LRGUK: variants seen among roughly 807,000 people sequenced by gnomAD.
LRGUK encodes leucine rich repeats and guanylate kinase domain containing, also known as leucine-rich repeat and guanylate kinase domain-containing protein.
Under a neutral mutation model 76.0 loss-of-function variants are expected in LRGUK, and 65 were observed. The ratio of observed to expected loss-of-function variants is 0.85; its 90% CI spans 0.70 to 1.05. The LOEUF is 1.05. Ranked by LOEUF, LRGUK falls within the 50% of genes least tolerant of loss-of-function variation. The probability of loss-of-function intolerance (pLI) is 0.00; values close to 1 mark genes in which losing one functional copy is unlikely to be tolerated. For missense variants in LRGUK, 758 were observed against 732.8 expected, an observed-to-expected ratio of 1.03 and a Z score of -0.40; for synonymous variants, 268 against 265.6, an observed-to-expected ratio of 1.01 and a Z score of -0.09.
intron 13 of LRGUK, among the ~76,000 whole-genome samples, chr7:134,198,216 G>A (rs922458234): frequency 1.3e-5 from 2 of 152,094 alleles, no homozygotes; most frequent in African/African-American, 4.8e-5. Flanking sequence ...ATAATAACTA[G>A]CAAAAATAAA....
At chr7:134,225,098 A>T (rs1160011018) in intron 16 of LRGUK, among the ~76,000 whole-genome samples, 1 of 144,050 alleles carries the variant, frequency 6.9e-6, no homozygotes, top group Non-Finnish European at 1.5e-5. Context: ...TAAGGTACTA[A>T]GGGCTGGGGA....
At chr7:134,226,218 A>ATGTG (rs57035440) in intron 16 of LRGUK, among the ~76,000 whole-genome samples, 32,831 of 141,216 alleles carry the variant, frequency 0.23, 3,922 homozygotes, top group Middle Eastern at 0.27. Flanking sequence ...CCCATCTCCA[A>ATGTG]TGTGTGTGTG....
At chr7:134,248,970 C>T in exon 18 of LRGUK, 1 of 1,535,596 alleles carries the variant, frequency 6.5e-7, no homozygotes, top group Non-Finnish European at 8.8e-7. Context: ...ACCAGCACCT[C>T]TCACCAGTGG....
At chr7:134,188,974 A>G (rs1007223540) in intron 11 of LRGUK, among the ~76,000 whole-genome samples, 17 of 151,934 alleles carry the variant, frequency 1.1e-4, no homozygotes, top group African/African-American at 3.9e-4. Context: ...TTCCTGTTAC[A>G]TTTCCCTGGA....
At chr7:134,178,640 C>T (rs770260623) in intron 10 of LRGUK, 31 bp downstream of exon 10, 1 of 1,566,386 alleles carries the variant, frequency 6.4e-7, no homozygotes, top group Non-Finnish European at 8.8e-7. Flanking sequence ...GGCCGGAATT[C>T]AGGGTGAGCA....
At chr7:134,261,484 G>A (rs1293828639) in intron 19 of LRGUK, among the ~76,000 whole-genome samples, 1 of 152,004 alleles carries the variant, frequency 6.6e-6, no homozygotes, top group Admixed American at 6.5e-5. Flanking sequence ...AAACCAACAA[G>A]CATGTGACCT....
intron 5 of LRGUK, 86 bp downstream of exon 5, chr7:134,148,405 T>C (rs1798067149): frequency 1.3e-6 from 1 of 764,608 alleles, no homozygotes; most frequent in Non-Finnish European, 2.2e-6. Flanking sequence ...TTAGATTACA[T>C]GGACTAGTAC....
At chr7:134,142,954 G>T (rs1334586807) in intron 3 of LRGUK, 108 bp from the exon 4 acceptor site, 7 of 615,628 alleles carry the variant, frequency 1.1e-5, no homozygotes, top group Admixed American at 8.7e-5. Context: ...AGATGTCTTT[G>T]CAACTGTTAT....
intron 5 of LRGUK, among the ~76,000 whole-genome samples, chr7:134,155,687 G>T (rs550410511): frequency 6.6e-6 from 1 of 152,160 alleles, no homozygotes; most frequent in African/African-American, 2.4e-5. Flanking sequence ...TTATAATTGT[G>T]AGGTGATTTA....
At chr7:134,216,356 A>G (rs1013870858) in intron 15 of LRGUK, among the ~76,000 whole-genome samples, 2 of 152,196 alleles carry the variant, frequency 1.3e-5, no homozygotes, top group Non-Finnish European at 2.9e-5. Context: ...AAAATTTGAT[A>G]ACCTTGATTT....
At chr7:134,228,529 A>T (rs983495957) in intron 16 of LRGUK, among the ~76,000 whole-genome samples, 16 of 152,326 alleles carry the variant, frequency 1.1e-4, no homozygotes, top group African/African-American at 3.6e-4. Flanking sequence ...GTATAAAATT[A>T]AAATATGGGG....
Position 134,208,902 on chromosome 7 carries a change from A to T in LRGUK, c.2039A>T (p.His680Leu), listed in dbSNP as rs560694540. ...GAGCTGGCTCAGGATGGAGAAACCC[A>T]TCAAAAAGAGCTTTCTCCTGACAGC... The change falls in exon 16 of 16, where the codon CAT becomes CTT. Residue 680 changes from histidine to leucine, a missense_variant. Physicochemically the swap from His to Leu is moderately conservative, Grantham distance 99. Coordinates refer to ENST00000645682, the Ensembl canonical transcript of LRGUK. 91 of 399,034 alleles carry T rather than the reference A, an allele frequency of 2.3e-4. 2 individuals carry two copies. In the South Asian group the frequency reaches 4.8e-3, roughly 21 times the overall value. The allele number at this position is 399,034 out of a possible 1,614,324, so 24.7% of individuals were successfully genotyped here.
At chr7:134,211,342 A>G (rs569922694), downstream of LRGUK, among the ~76,000 whole-genome samples, 1 of 152,364 alleles carries the variant, frequency 6.6e-6, no homozygotes, top group African/African-American at 2.4e-5. Flanking sequence ...CCATATTGCC[A>G]TTAAGTTTTC....
chr7:134,158,263 C>T, intron 6 of LRGUK, 104 bp downstream of exon 6: 1 of 1,041,150 alleles, frequency 9.6e-7, no homozygotes, highest in Non-Finnish European at 1.4e-6. Context: ...AGAGAAAATT[C>T]CTTCATGAAA....
At chr7:134,231,968 T>G (rs1801912517) in intron 16 of LRGUK, among the ~76,000 whole-genome samples, 1 of 152,040 alleles carries the variant, frequency 6.6e-6, no homozygotes, top group Admixed American at 6.6e-5. Flanking sequence ...CTCACTTATT[T>G]ATTTATCTAC....
chr7:134,224,583 A>G (rs958223000), intron 16 of LRGUK, among the ~76,000 whole-genome samples: 1 of 152,182 alleles, frequency 6.6e-6, no homozygotes, highest in Admixed American at 6.5e-5. Context: ...CAGGAAAAAT[A>G]ACTAATGGGT....
At chr7:134,176,901 A>G in intron 8 of LRGUK, 76 bp from the exon 9 acceptor site, 1 of 844,088 alleles carries the variant, frequency 1.2e-6, no homozygotes, top group Non-Finnish European at 2.0e-6. Flanking sequence ...GCCCAAGCTC[A>G]TGAAAACCCA....
intron 15 of LRGUK, among the ~76,000 whole-genome samples, chr7:134,206,588 G>GTGTA (rs1563182648): frequency 6.6e-6 from 1 of 150,546 alleles, no homozygotes; most frequent in African/African-American, 2.4e-5. Flanking sequence ...GTGTGTGTGT[G>GTGTA]TATATATATA....
chr7:134,228,010 T>A (rs569960450), intron 16 of LRGUK, among the ~76,000 whole-genome samples: 1 of 152,170 alleles, frequency 6.6e-6, no homozygotes, highest in African/African-American at 2.4e-5. Context: ...CATCAAGCCA[T>A]AGATTAAATA....
Sources: allele counts gnomAD v4.1 joint callset (sites outside exome capture counted in the v4.1 genomes callset), GRCh38; gene constraint gnomAD v4.1.1; transcripts MANE v1.5; gene names NCBI Gene and HGNC (gene_info 2026-07-23, HGNC 2026-07-21).